NAT10: variants seen among roughly 807,000 people sequenced by gnomAD.
NAT10 encodes RNA cytidine acetyltransferase.
Under a neutral mutation model 132.2 loss-of-function variants are expected in NAT10, and 109 were observed. The observed-to-expected ratio is 0.82, with a 90% CI of 0.71 to 0.97. The LOEUF (loss-of-function observed/expected upper bound fraction) is 0.97. Ranked by LOEUF, NAT10 falls within the 50% of genes least tolerant of loss-of-function variation. The probability of loss-of-function intolerance (pLI) is 0.00; values close to 1 mark genes in which losing one functional copy is unlikely to be tolerated. For synonymous variants in NAT10, 479 were observed against 478.0 expected, an observed-to-expected ratio of 1.00 and a Z score of -0.03; for missense variants, 1,184 against 1,263.4, an observed-to-expected ratio of 0.94 and a Z score of 0.95.
chr11:34,134,351 C>G lies in NAT10; in HGVS notation c.1767C>G (p.Ser589=), dbSNP rs1245479740. The G allele has an allele frequency of 1.2e-6, 2 of 1,614,090 alleles. No individual in the cohort carries two copies. The highest frequency in any genetic ancestry group is 1.7e-6 in the Non-Finnish European group (2 of 1,180,052). The change falls in exon 17 of 29, where the codon TCC becomes TCG. Residue 589 remains serine (S), a synonymous_variant. Transcript: ENST00000257829. ...TTGAAGGGGAGATTTCTCGCCAGTC[C>G]ATCTTGAACAGTCTGTCTCGAGGCA... The part of the protein sequence containing the change: ...VCLEGEISRQ[S]ILNSLSRGKK...
At chr11:34,133,248 C>T (rs966115636) in intron 16 of NAT10, 106 bp downstream of exon 16, 2 of 909,244 alleles carry the variant, frequency 2.2e-6, no homozygotes, top group Non-Finnish European at 1.8e-6. Context: ...ACTGTGGAGT[C>T]CTGGTCTGGA....
chr11:34,122,213 T>C (rs1372239632), intron 8 of NAT10, among the ~76,000 whole-genome samples: 1 of 152,076 alleles, frequency 6.6e-6, no homozygotes, highest in Non-Finnish European at 1.5e-5. Flanking sequence ...AGGGAAGTGG[T>C]CCAGACTGAA....
At chr11:34,134,616 G>A (rs754304628) in intron 18 of NAT10, 30 bp downstream of exon 18, 10 of 1,610,422 alleles carry the variant, frequency 6.2e-6, no homozygotes, top group South Asian at 3.3e-5. Context: ...CCCTGAAGCC[G>A]TGTTGCTGGC....
chr11:34,146,282 AG>A lies in NAT10; in HGVS notation c.*92del. 4.2e-6 allele frequency: 4 copies of A among 949,676 alleles called. No individual in the cohort carries two copies. The Middle Eastern group carries it at 6.6e-4, about 156-fold the overall frequency. 58.8% of individuals were successfully genotyped at this position (949,676 alleles called of 1,614,324 possible). On this transcript the variant is annotated 3_prime_UTR_variant, in exon 29 of 29. Transcript: ENST00000257829. The stretch of plus-strand genomic sequence containing the variant: ...TGGCTGGACTGTTAAAAGCAACGAG[AG>A]GCCCCGGCACACCTGGAAGCTGGCC...
At chr11:34,115,663 C>T (rs1851772406) in intron 5 of NAT10, among the ~76,000 whole-genome samples, 160 bp from the exon 6 acceptor site, 1 of 152,198 alleles carries the variant, frequency 6.6e-6, no homozygotes, top group Non-Finnish European at 1.5e-5. Context: ...GTGTCTGATC[C>T]CAGTTTCAGC....
intron 12 of NAT10, among the ~76,000 whole-genome samples, chr11:34,130,090 T>G (rs1255521823): frequency 6.6e-6 from 1 of 152,112 alleles, no homozygotes; most frequent in African/African-American, 2.4e-5. Flanking sequence ...TATTTTACAG[T>G]CTTTGAATAT....
Position 34,118,294 on chromosome 11 carries a change from G to A in NAT10, c.672G>A (p.Pro224=), listed in dbSNP as rs780017579. 1.7e-5 allele frequency: 27 copies of A among 1,611,868 alleles called. No individual in the cohort carries two copies. Among genetic ancestry groups the A allele is most frequent in the Non-Finnish European group, 2.2e-5 (26 of 1,178,062 alleles). Residue 224 remains proline (P), a splice_region_variant and synonymous_variant, in exon 7 of 29, where the codon CCG becomes CCA. Coordinates refer to ENST00000257829, the MANE Select transcript of NAT10 (RefSeq NM_024662.3). ...ATMEALPPQT[P]DESLGPSDLE... ...TGGAGGCCCTGCCTCCCCAGACTCC[G>A]GTGAGTCTGTGCTGGGGTCCAGGAA...
intron 26 of NAT10, 144 bp from the exon 27 acceptor site, chr11:34,142,131 G>A (rs994558801): frequency 2.7e-6 from 2 of 753,700 alleles, no homozygotes; most frequent in African/African-American, 1.8e-5. Context: ...AATAATCAAA[G>A]CTGCCTACAA....
intron 8 of NAT10, among the ~76,000 whole-genome samples, chr11:34,119,380 C>G (rs1851844825): frequency 6.6e-6 from 1 of 152,204 alleles, no homozygotes; most frequent in Non-Finnish European, 1.5e-5. Flanking sequence ...GGGCTGAGTC[C>G]CAGCAGGCTG....
rs1258901550 is a variant in NAT10, at chr11:34,146,283, GGCCCCGGCACA to G, written c.*92_*102del. ...GGCTGGACTGTTAAAAGCAACGAGAGGCCCCGGCACACCTGGAAGCTGGCCGCGAATTCGGC... is the reference window on the plus strand; with the variant it reads ...GGCTGGACTGTTAAAAGCAACGAGAGCCTGGAAGCTGGCCGCGAATTCGGC... On this transcript the variant is annotated 3_prime_UTR_variant, in exon 29 of 29. Transcript: ENST00000257829. 7 of 952,216 alleles carry G rather than the reference GGCCCCGGCACA, an allele frequency of 7.4e-6. No individual in the cohort carries two copies. The Admixed American group carries it at 1.1e-4, about 16-fold the overall frequency. 59.0% of individuals were successfully genotyped at this position (952,216 alleles called of 1,614,324 possible).
rs1347350636 is a variant in NAT10, at chr11:34,124,317, G to GAGATTATCCAGT, written c.1025_1036dup (p.Gln345_Ser346insTer). On this transcript the variant is annotated stop_gained and inframe_insertion, in exon 11 of 29. Transcript: ENST00000257829. LOFTEE classifies it high-confidence loss of function. ...TCCCCACCAGGAACATCTGGATTAT[G>GAGATTATCCAGT]AGATTATCCAGTCTCTAAATCCTGA... The GAGATTATCCAGT allele has an allele frequency of 6.2e-7, 1 of 1,610,598 alleles. No individual in the cohort carries two copies.
intron 22 of NAT10, 26 bp downstream of exon 22, chr11:34,139,313 G>A (rs377674990): frequency 1.2e-5 from 20 of 1,612,728 alleles, no homozygotes; most frequent in African/African-American, 2.7e-5. Flanking sequence ...GGGTTTGGGG[G>A]AGACAATGAG....
At position 34,135,173 on chromosome 11, in the gene NAT10, A is replaced by G; in HGVS notation, c.1912-2A>G. On this transcript the variant is annotated splice_acceptor_variant, in intron 18 of 28. Coordinates refer to ENST00000257829, the MANE Select transcript of NAT10 (RefSeq NM_024662.3). LOFTEE classifies it high-confidence loss of function. ...CCTCTTCCCCTTCACGTTTGCTCCT[A>G]GATGGGCTATGGCAGCCGTGCTCTG... is the stretch of plus-strand genomic sequence containing the variant. The G allele has an allele frequency of 6.2e-7, 1 of 1,613,268 alleles. No individual in the cohort carries two copies. Among genetic ancestry groups the G allele is most frequent in the Non-Finnish European group, 8.5e-7 (1 of 1,179,306 alleles).
At chr11:34,132,325 C>G in intron 15 of NAT10, 104 bp downstream of exon 15, 1 of 936,176 alleles carries the variant, frequency 1.1e-6, no homozygotes. Context: ...GCTTAGGTGA[C>G]TGTTCCATTG....
In NAT10 at chr11:34,133,021, C is replaced by T. The variant is rs1007578873; in HGVS notation, c.1618-5C>T. On this transcript the variant is annotated splice_polypyrimidine_tract_variant and splice_region_variant and intron_variant, in intron 15 of 28. Transcript: ENST00000257829. Reference sequence around the variant, plus strand: ...TTCTCACTGACCCGTGTTTGGCTTCCACAGAACTCTCCCAATGATCTCCAG... The same window carrying T: ...TTCTCACTGACCCGTGTTTGGCTTCTACAGAACTCTCCCAATGATCTCCAG... 1.9e-6 allele frequency: 3 copies of T among 1,612,686 alleles called. No individual in the cohort carries two copies. Among genetic ancestry groups the T allele is most frequent in the African/African-American group, 2.7e-5 (2 of 74,890 alleles).
intron 21 of NAT10, 109 bp from the exon 22 acceptor site, chr11:34,139,082 G>A (rs1355446576): frequency 1.0e-6 from 1 of 992,312 alleles, no homozygotes; most frequent in African/African-American, 1.6e-5. Context: ...AGAAGGAGAG[G>A]CCTGCGGAAG....
chr11:34,146,323 T>A lies in NAT10; in HGVS notation c.*131T>A. 1 of 633,564 alleles carries A rather than the reference T, an allele frequency of 1.6e-6. No homozygotes were observed. Among genetic ancestry groups the A allele is most frequent in the Non-Finnish European group, 2.7e-6 (1 of 368,116 alleles). The allele number at this position is 633,564 out of a possible 1,614,324, so 39.2% of individuals were successfully genotyped here. On this transcript the variant is annotated 3_prime_UTR_variant, in exon 29 of 29. Coordinates refer to ENST00000257829, the MANE Select transcript of NAT10 (RefSeq NM_024662.3). ...GGAAGCTGGCCGCGAATTCGGCCTCTGGGCCTGTGTGTCTGTGAGCTCAAC... is the reference window on the plus strand; with the variant it reads ...GGAAGCTGGCCGCGAATTCGGCCTCAGGGCCTGTGTGTCTGTGAGCTCAAC...
chr11:34,143,959 A>T (rs926891029), intron 28 of NAT10, among the ~76,000 whole-genome samples: 7 of 152,236 alleles, frequency 4.6e-5, no homozygotes, highest in African/African-American at 7.2e-5. Context: ...AGCTAGTGAG[A>T]GCCGGAGCCA....
chr11:34,124,002 T>A, intron 10 of NAT10, 147 bp downstream of exon 10: 1 of 623,268 alleles, frequency 1.6e-6, no homozygotes, highest in Non-Finnish European at 2.8e-6. Context: ...AAACCCCGTC[T>A]CTACTAAAAG....
Sources: allele counts gnomAD v4.1 joint callset (sites outside exome capture counted in the v4.1 genomes callset), GRCh38; gene constraint gnomAD v4.1.1; transcripts MANE v1.5; gene names NCBI Gene and HGNC (gene_info 2026-07-23, HGNC 2026-07-21).